The following TRPC3 variants were observed in gnomAD, a reference collection of about 807,000 sequenced individuals.
TRPC3 encodes the protein short transient receptor potential channel 3.
Under a neutral mutation model 90.9 loss-of-function variants are expected in TRPC3, and 54 were observed. The observed-to-expected ratio is 0.59, with a 90% CI of 0.48 to 0.75. TRPC3 has a LOEUF of 0.75. TRPC3 is among the 30% of genes least tolerant of loss of function. The pLI, the probability that TRPC3 is intolerant of heterozygous loss-of-function variation, is 0.00. For synonymous variants in TRPC3, 424 were observed against 450.9 expected, an observed-to-expected ratio of 0.94 and a Z score of 0.75; for missense variants, 918 against 1,194.5, an observed-to-expected ratio of 0.77 and a Z score of 3.41.
chr4:121,923,929 G>A (rs1263186668), intron 3 of TRPC3, among the ~76,000 whole-genome samples: 3 of 152,174 alleles, frequency 2.0e-5, no homozygotes, highest in African/African-American at 4.8e-5. Flanking sequence ...TATATAACAT[G>A]TATAAAGTAT....
chr4:121,930,971 C>T (rs189292923), intron 2 of TRPC3: 184 of 229,782 alleles, frequency 8.0e-4, no homozygotes, highest in African/African-American at 4.1e-3. Context: ...TTGGAAAATG[C>T]TTACAATAAA....
Position 121,942,169 on chromosome 4 carries a change from C to A in TRPC3, c.216-9127G>T, listed in dbSNP as rs1730341534. On this transcript the variant is annotated intron_variant, in intron 1 of 11. Coordinates refer to ENST00000379645, the MANE Select transcript of TRPC3 (RefSeq NM_001130698.2). ...AAAATTTAAAATATAAGCATTCCAG[C>A]ACTTATAAGCCCAGAGAGATATTTA... Among the ~76,000 whole-genome samples the A allele has an allele frequency of 2.0e-5, 3 of 152,182 alleles. No homozygotes were observed. The South Asian group carries it at 6.2e-4, about 32-fold the overall frequency.
intron 9 of TRPC3, among the ~76,000 whole-genome samples, chr4:121,900,525 T>A (rs1264101744): frequency 6.6e-6 from 1 of 152,226 alleles, no homozygotes; most frequent in Non-Finnish European, 1.5e-5. Flanking sequence ...CTCTTACAAT[T>A]GTGCCTGGAG....
At chr4:121,905,455 C>T (rs1432092485) in intron 7 of TRPC3, among the ~76,000 whole-genome samples, 1 of 152,130 alleles carries the variant, frequency 6.6e-6, no homozygotes, top group Non-Finnish European at 1.5e-5. Context: ...GATTCTTCCA[C>T]CACAACAATT....
intron 3 of TRPC3, among the ~76,000 whole-genome samples, chr4:121,918,793 G>A (rs549768638): frequency 3.4e-4 from 52 of 152,208 alleles, no homozygotes; most frequent in African/African-American, 1.2e-3. Flanking sequence ...AAGTACACAA[G>A]GAGCATTTCA....
intron 1 of TRPC3, among the ~76,000 whole-genome samples, chr4:121,938,368 ACT>A (rs1462905824): frequency 6.6e-6 from 1 of 152,172 alleles, no homozygotes; most frequent in Non-Finnish European, 1.5e-5. Flanking sequence ...TCTATGACTC[ACT>A]GTTTTGATCA....
chr4:121,908,148 T>C (rs1256686059), intron 6 of TRPC3, among the ~76,000 whole-genome samples: 2 of 152,140 alleles, frequency 1.3e-5, no homozygotes, highest in African/African-American at 4.8e-5. Context: ...TGGATATAGA[T>C]TCAGAATGAG....
At chr4:121,922,482 T>G (rs1729555951) in intron 3 of TRPC3, among the ~76,000 whole-genome samples, 1 of 152,232 alleles carries the variant, frequency 6.6e-6, no homozygotes, top group African/African-American at 2.4e-5. Context: ...CTAACTTTTT[T>G]GTTGTTGCCT....
chr4:121,932,575 G>A lies in TRPC3; in HGVS notation c.683C>T (p.Thr228Met), dbSNP rs199593201. The A allele has an allele frequency of 3.7e-6, 6 of 1,614,214 alleles. No homozygotes were observed. The highest frequency in any genetic ancestry group is 1.1e-5 in the South Asian group (1 of 91,084). Residue 228 changes from threonine (T) to methionine (M), a missense_variant, in exon 2 of 12, where the codon ACG (threonine) becomes ATG (methionine). Physicochemically the swap from Thr to Met is moderately conservative, Grantham distance 81. This residue lies in a region of TRPC3 where 609 missense variants were observed against 725.9 expected (regional missense o/e 0.84). Coordinates refer to ENST00000379645, the MANE Select transcript of TRPC3 (RefSeq NM_001130698.2). This position sits in a 1 kb window ranked among gnomAD's most constrained non-coding sequence, Gnocchi z 7.7. Reference sequence around the variant, plus strand: ...GGGGGTGATGTCCGGCGAGAAGCGCGTGCCGTCCTCGTCGTAAGCGTAGAA... The same window carrying A: ...GGGGGTGATGTCCGGCGAGAAGCGCATGCCGTCCTCGTCGTAAGCGTAGAA... ...DDFYAYDEDGTRFSPDITPII... is the reference protein window; with the variant it reads ...DDFYAYDEDGMRFSPDITPII...
At chr4:121,903,739 CT>C (rs765643032) in intron 8 of TRPC3, among the ~76,000 whole-genome samples, 13 of 152,128 alleles carry the variant, frequency 8.5e-5, no homozygotes, top group Non-Finnish European at 1.9e-4. Flanking sequence ...ACCAAAACTT[CT>C]ACTTTGAGAA....
intron 1 of TRPC3, among the ~76,000 whole-genome samples, chr4:121,938,114 T>C (rs539515799): frequency 6.6e-6 from 1 of 152,178 alleles, no homozygotes; most frequent in African/African-American, 2.4e-5. Context: ...GTTTTATTTA[T>C]CATTATCCAC....
chr4:121,891,259 T>C (rs1728320034), intron 10 of TRPC3, among the ~76,000 whole-genome samples: 1 of 152,140 alleles, frequency 6.6e-6, no homozygotes, highest in Non-Finnish European at 1.5e-5. Context: ...AGGTAGTCAA[T>C]ATAAATATAT....
At chr4:121,921,057 G>A (rs1003136304) in intron 3 of TRPC3, among the ~76,000 whole-genome samples, 1 of 151,992 alleles carries the variant, frequency 6.6e-6, no homozygotes, top group Non-Finnish European at 1.5e-5. Context: ...CTCCTATTCT[G>A]GTGTTTTATA....
At chr4:121,881,629 A>C (rs951449946) in intron 11 of TRPC3, among the ~76,000 whole-genome samples, 8 of 152,182 alleles carry the variant, frequency 5.3e-5, no homozygotes, top group African/African-American at 1.9e-4. Context: ...CCTATGAACA[A>C]TTTTATTAAG....
intron 2 of TRPC3, among the ~76,000 whole-genome samples, chr4:121,930,995 T>C (rs528935088): frequency 3.2e-4 from 49 of 152,316 alleles, no homozygotes; most frequent in African/African-American, 1.2e-3. Context: ...GTGTAGCTTT[T>C]ACATCAGAAA....
intron 1 of TRPC3, among the ~76,000 whole-genome samples, chr4:121,949,181 G>C (rs1191885577): frequency 6.6e-6 from 1 of 152,144 alleles, no homozygotes; most frequent in Non-Finnish European, 1.5e-5. Context: ...TTGGTCCTAG[G>C]TTTGCAACCA....
At chr4:121,942,126 C>T (rs551892312) in intron 1 of TRPC3, among the ~76,000 whole-genome samples, 1 of 152,306 alleles carries the variant, frequency 6.6e-6, no homozygotes, top group South Asian at 2.1e-4. Flanking sequence ...CCCACCGCCG[C>T]CCTGACACAC....
At chr4:121,890,519 A>G (rs1728288155) in intron 10 of TRPC3, among the ~76,000 whole-genome samples, 1 of 152,198 alleles carries the variant, frequency 6.6e-6, no homozygotes, top group South Asian at 2.1e-4. Flanking sequence ...GAAATGGATG[A>G]AAAATTCAAA....
chr4:121,878,625 A>C lies in TRPC3; in HGVS notation c.*1111T>G, dbSNP rs1727837531. 6.6e-6 allele frequency among the ~76,000 whole-genome samples: 1 copy of C among 152,246 alleles called. No homozygotes were observed. Among genetic ancestry groups the C allele is most frequent in the Non-Finnish European group, 1.5e-5 (1 of 68,040 alleles). On this transcript the variant is annotated 3_prime_UTR_variant, in exon 12 of 12. Transcript: ENST00000379645. ...TTACCAGCATTCAGCACAATTATGTAATAAGGCATATGTAGATATATCACA... is the reference window on the plus strand; with the variant it reads ...TTACCAGCATTCAGCACAATTATGTCATAAGGCATATGTAGATATATCACA...
Sources: allele counts gnomAD v4.1 joint callset (sites outside exome capture counted in the v4.1 genomes callset), GRCh38; gene constraint gnomAD v4.1.1; regional missense constraint gnomAD v4.1.1; non-coding constraint Gnocchi (gnomAD v3.1); transcripts MANE v1.5; gene names NCBI Gene and HGNC (gene_info 2026-07-23, HGNC 2026-07-21).